The following ZMYM2 variants were observed in gnomAD, a reference collection of about 807,000 sequenced individuals.
The protein encoded by ZMYM2 is zinc finger MYM-type protein 2.
ZMYM2 carries 56 observed loss-of-function variants against 162.8 expected under a neutral mutation model. The ratio of observed to expected loss-of-function variants is 0.34; its 90% CI spans 0.28 to 0.43. The LOEUF (loss-of-function observed/expected upper bound fraction) is 0.43. ZMYM2 is among the 20% of genes least tolerant of loss of function. The pLI is 1.00. For synonymous variants in ZMYM2, 510 were observed against 541.6 expected, an observed-to-expected ratio of 0.94 and a Z score of 0.81; for missense variants, 1,275 against 1,621.8, an observed-to-expected ratio of 0.79 and a Z score of 3.67.
At chr13:19,877,750 A>G in the ZMYM2 span, among the ~76,000 whole-genome samples, 1 of 152,228 alleles carries the variant, frequency 6.6e-6, no homozygotes, top group South Asian at 2.1e-4. Flanking sequence ...ACTAAACAAT[A>G]TTCCACTGTA....
chr13:19,946,719 A>G, the ZMYM2 span, among the ~76,000 whole-genome samples: 5 of 152,218 alleles, frequency 3.3e-5, no homozygotes, highest in African/African-American at 9.6e-5. Flanking sequence ...CCCAGTTAAC[A>G]TTTGTGGAAT....
At chr13:20,073,151 G>T (rs1957219640) in intron 21 of ZMYM2, among the ~76,000 whole-genome samples, 1 of 151,988 alleles carries the variant, frequency 6.6e-6, no homozygotes, top group South Asian at 2.1e-4. Flanking sequence ...CAAGTGATCC[G>T]CCTGCCCCAG....
intron 2 of ZMYM2, among the ~76,000 whole-genome samples, chr13:19,965,771 CTTTTTTTTTT>C (rs35914050): frequency 3.8e-5 from 4 of 104,888 alleles, no homozygotes; most frequent in African/African-American, 1.5e-4. Flanking sequence ...TATCTGAATT[CTTTTTTTTTT>C]TTTTTTTTTT....
At chr13:19,942,098 C>A in the ZMYM2 span, among the ~76,000 whole-genome samples, 6 of 152,088 alleles carry the variant, frequency 3.9e-5, no homozygotes, top group African/African-American at 1.4e-4. Context: ...TTCTACTTTT[C>A]ATAATTACCA....
At chr13:19,917,171 C>T in the ZMYM2 span, among the ~76,000 whole-genome samples, 5 of 151,920 alleles carry the variant, frequency 3.3e-5, no homozygotes, top group South Asian at 2.1e-4. Flanking sequence ...ACTGTGTTAG[C>T]CAGGATGGTC....
chr13:19,879,243 A>G, the ZMYM2 span, among the ~76,000 whole-genome samples: 1 of 152,156 alleles, frequency 6.6e-6, no homozygotes, highest in Admixed American at 6.6e-5. Flanking sequence ...CGTTGAAAAG[A>G]CTGTCCTTTC....
At position 20,051,421 on chromosome 13, in the gene ZMYM2, T is replaced by G. The variant is rs766049513; in HGVS notation, c.2293-12T>G. ...AATTTGCAATATCTGAAACCTTCCT[T>G]TTTAAATTAAGGCTGCAAGGTGTGA... is the stretch of plus-strand genomic sequence containing the variant. On this transcript the variant is annotated splice_polypyrimidine_tract_variant and intron_variant, in intron 12 of 24. Transcript: ENST00000610343. 1 of 1,606,300 alleles carries G rather than the reference T, an allele frequency of 6.2e-7. No individual in the cohort carries two copies. Among genetic ancestry groups the G allele is most frequent in the East Asian group, 2.2e-5 (1 of 44,788 alleles).
At chr13:19,897,143 A>G in the ZMYM2 span, among the ~76,000 whole-genome samples, 1 of 151,990 alleles carries the variant, frequency 6.6e-6, no homozygotes, top group Non-Finnish European at 1.5e-5. Context: ...ATTGCTAGGG[A>G]TTGGGGATAG....
the ZMYM2 span, among the ~76,000 whole-genome samples, chr13:19,941,931 G>GAGATGGCA: frequency 8.0e-4 from 122 of 151,708 alleles, 3 homozygotes; most frequent in East Asian, 0.023. Flanking sequence ...ATTTTTTGTA[G>GAGATGGCA]AGATGGGATC....
the ZMYM2 span, among the ~76,000 whole-genome samples, chr13:19,929,294 A>C: frequency 6.6e-6 from 1 of 151,336 alleles, no homozygotes; most frequent in Non-Finnish European, 1.5e-5. Flanking sequence ...GTTGGAGTGC[A>C]GTGGTGCAAT....
chr13:20,079,825 A>G (rs550596759), intron 21 of ZMYM2, among the ~76,000 whole-genome samples: 3 of 152,360 alleles, frequency 2.0e-5, no homozygotes, highest in East Asian at 3.9e-4. Flanking sequence ...TAAATGTTAC[A>G]TAGAAATTTT....
chr13:19,998,267 T>C (rs1446515724), intron 3 of ZMYM2, among the ~76,000 whole-genome samples: 3 of 152,218 alleles, frequency 2.0e-5, no homozygotes, highest in Admixed American at 6.5e-5. Flanking sequence ...GATTAGGCCT[T>C]TTCTATTCCT....
At chr13:20,056,197 C>G (rs947221990) in intron 14 of ZMYM2, among the ~76,000 whole-genome samples, 2 of 152,172 alleles carry the variant, frequency 1.3e-5, no homozygotes, top group Non-Finnish European at 2.9e-5. Flanking sequence ...TTCTTGAGCA[C>G]TTGCAGGGGA....
At chr13:19,909,805 G>A in the ZMYM2 span, among the ~76,000 whole-genome samples, 1 of 152,222 alleles carries the variant, frequency 6.6e-6, no homozygotes, top group East Asian at 1.9e-4. Context: ...AGGAGGAGGT[G>A]CACTACACTT....
intron 1 of ZMYM2, among the ~76,000 whole-genome samples, chr13:19,959,497 G>A (rs962228829): frequency 1.3e-5 from 2 of 151,364 alleles, no homozygotes; most frequent in Non-Finnish European, 1.5e-5. Flanking sequence ...GCCGACTGCA[G>A]GGGGGGGCAA....
At chr13:20,042,314 G>A (rs1172029981) in intron 12 of ZMYM2, among the ~76,000 whole-genome samples, 1 of 152,000 alleles carries the variant, frequency 6.6e-6, no homozygotes, top group African/African-American at 2.4e-5. Flanking sequence ...CAGTCTACCA[G>A]CTCTGAGAGT....
chr13:19,909,435 T>TC, the ZMYM2 span, among the ~76,000 whole-genome samples: 1 of 146,972 alleles, frequency 6.8e-6, no homozygotes, highest in African/African-American at 2.5e-5. Flanking sequence ...TTTTTCGTTT[T>TC]TTTTTTTTTT....
intron 2 of ZMYM2, among the ~76,000 whole-genome samples, chr13:19,972,943 G>GTT (rs67438402): frequency 3.5e-5 from 5 of 144,574 alleles, no homozygotes; most frequent in Admixed American, 6.9e-5. Context: ...ATGTTTTTTT[G>GTT]TTTTTTTTTT....
chr13:19,945,852 G>C, the ZMYM2 span, among the ~76,000 whole-genome samples: 1 of 151,056 alleles, frequency 6.6e-6, no homozygotes, highest in Non-Finnish European at 1.5e-5. Context: ...GGGAGGCCGA[G>C]GCAGGAGAAT....
Sources: allele counts gnomAD v4.1 joint callset (sites outside exome capture counted in the v4.1 genomes callset), GRCh38; gene constraint gnomAD v4.1.1; transcripts MANE v1.5; gene names NCBI Gene and HGNC (gene_info 2026-07-23, HGNC 2026-07-21).